The following RPL22L1 variants were observed in gnomAD, a reference collection of about 807,000 sequenced individuals.
The protein encoded by RPL22L1 is ribosomal protein L22 like 1.
Under a neutral mutation model 17.3 loss-of-function variants are expected in RPL22L1, and 19 were observed. That is an observed-to-expected ratio of 1.10 (90% CI 0.77 to 1.61). RPL22L1 has a LOEUF of 1.61. RPL22L1 is among the 40% of genes most tolerant of loss of function. The pLI is 0.00. For synonymous variants in RPL22L1, 48 were observed against 48.5 expected (o/e 0.99, Z 0.05); for missense variants, 139 against 144.4 (o/e 0.96, Z 0.19).
At position 170,870,172 on chromosome 3, in the gene RPL22L1, C is replaced by G. The variant is rs768165142; in HGVS notation, c.-5G>C. ...TCGCTCACTCACCGGCGCCATCTTG[C>G]GAGTCGGCCGCGAGAGCAGAGAGGA... On this transcript the variant is annotated 5_prime_UTR_variant, in exon 1 of 4. Coordinates refer to ENST00000295830, the MANE Select transcript of RPL22L1 (RefSeq NM_001099645.2). The G allele has an allele frequency of 1.2e-6, 2 of 1,613,874 alleles. No homozygotes were observed. Among genetic ancestry groups the G allele is most frequent in the South Asian group, 1.1e-5 (1 of 91,064 alleles).
intron 1 of RPL22L1, among the ~76,000 whole-genome samples, chr3:170,869,445 T>C (rs1711902163): frequency 6.6e-6 from 1 of 152,336 alleles, no homozygotes; most frequent in South Asian, 2.1e-4. Context: ...GATAACCCTA[T>C]AGGGTTTATG....
At chr3:170,869,734 G>T (rs1711916662) in intron 1 of RPL22L1, among the ~76,000 whole-genome samples, 1 of 151,862 alleles carries the variant, frequency 6.6e-6, no homozygotes, top group African/African-American at 2.4e-5. Context: ...CGCGGGAGCT[G>T]AGCGCCTAGG....
chr3:170,866,296 A>G lies in RPL22L1; in HGVS notation c.*84T>C. 8.2e-7 allele frequency: 1 copy of G among 1,219,350 alleles called. No individual in the cohort carries two copies. The highest frequency in any genetic ancestry group is 1.1e-6 in the Non-Finnish European group (1 of 893,764). 75.5% of individuals were successfully genotyped at this position (1,219,350 alleles called of 1,614,324 possible). On this transcript the variant is annotated 3_prime_UTR_variant, in exon 4 of 4. Coordinates refer to ENST00000295830, the MANE Select transcript of RPL22L1 (RefSeq NM_001099645.2). ...GTATAATATTTTTTATTCACTGATA[A>G]ACTAAAAGCCAATTTCTTGGTATTT...
At position 170,865,800 on chromosome 3, in the gene RPL22L1, G is replaced by C. The variant is rs1711734219; in HGVS notation, c.*580C>G. ...TTACATTTACAAGCTATTAAAAACA[G>C]TATTTGAGACTGTCAAGACAATCAT... is the stretch of plus-strand genomic sequence containing the variant. On this transcript the variant is annotated 3_prime_UTR_variant, in exon 4 of 4. Transcript: ENST00000295830. The C allele has an allele frequency of 6.6e-6, 1 of 152,242 alleles. No individual in the cohort carries two copies. The highest frequency in any genetic ancestry group is 6.5e-5 in the Admixed American group (1 of 15,282). 9.4% of individuals were successfully genotyped at this position (152,242 alleles called of 1,614,324 possible).
intron 3 of RPL22L1, among the ~76,000 whole-genome samples, chr3:170,867,072 G>C (rs1286593150): frequency 6.6e-6 from 1 of 151,954 alleles, no homozygotes; most frequent in East Asian, 1.9e-4. Context: ...TTTTATCTCT[G>C]AATCCTTAGT....
At position 170,866,243 on chromosome 3, in the gene RPL22L1, C is replaced by G. The variant is rs775499645; in HGVS notation, c.*137G>C. 4.4e-4 allele frequency: 284 copies of G among 652,842 alleles called. No homozygotes were observed. Among genetic ancestry groups the G allele is most frequent in the Non-Finnish European group, 6.4e-4 (256 of 402,850 alleles). The allele number at this position is 652,842 out of a possible 1,614,324, so 40.4% of individuals were successfully genotyped here. A position where few individuals can be genotyped will look rare whatever the true frequency, so the allele number is the denominator to read the frequency against. Reference sequence around the variant, plus strand: ...AAATCAAAATCATATAAACAGCATACTCAAAAAAATGAGACAAAAGTTCAA... The same window carrying G: ...AAATCAAAATCATATAAACAGCATAGTCAAAAAAATGAGACAAAAGTTCAA... On this transcript the variant is annotated 3_prime_UTR_variant, in exon 4 of 4. Coordinates refer to ENST00000295830, the MANE Select transcript of RPL22L1 (RefSeq NM_001099645.2).
intron 2 of RPL22L1, 22 bp from the exon 3 acceptor site, chr3:170,868,156 G>C: frequency 6.2e-7 from 1 of 1,600,698 alleles, no homozygotes; most frequent in Non-Finnish European, 8.5e-7. Context: ...CAGAAAAAAT[G>C]CAAAACTAGG....
chr3:170,867,973 A>C (rs1410567990), intron 3 of RPL22L1, 40 bp downstream of exon 3: 2 of 1,467,440 alleles, frequency 1.4e-6, no homozygotes, highest in Middle Eastern at 2.4e-4. Context: ...AAATATTCCA[A>C]AACTACTATA....
At chr3:170,866,725 G>A (rs974401870) in intron 3 of RPL22L1, among the ~76,000 whole-genome samples, 4 of 152,008 alleles carry the variant, frequency 2.6e-5, no homozygotes, top group Non-Finnish European at 4.4e-5. Flanking sequence ...ACTATATATT[G>A]TTCAAGATTG....
rs1178273180 is a variant in RPL22L1, at chr3:170,866,032, G to A, written c.*348C>T. The A allele has an allele frequency of 6.3e-6, 1 of 159,896 alleles. No individual in the cohort carries two copies. The highest frequency in any genetic ancestry group is 1.4e-5 in the Non-Finnish European group (1 of 73,092). The allele number at this position is 159,896 out of a possible 1,614,324, so 9.9% of individuals were successfully genotyped here. The stretch of plus-strand genomic sequence containing the variant: ...TAGCCGGGCATGGTGGCTCACACCT[G>A]TAATTCCAGCTATTTAGGAAGCTGA... On this transcript the variant is annotated 3_prime_UTR_variant, in exon 4 of 4. Transcript: ENST00000295830.
In RPL22L1 at chr3:170,865,563, CT is replaced by C; in HGVS notation, c.*816del. 6.6e-6 allele frequency: 1 copy of C among 152,258 alleles called. No individual in the cohort carries two copies. The highest frequency in any genetic ancestry group is 3.4e-3 in the Middle Eastern group (1 of 294). The allele number at this position is 152,258 out of a possible 1,614,324, so 9.4% of individuals were successfully genotyped here. A position where few individuals can be genotyped will look rare whatever the true frequency, so the allele number is the denominator to read the frequency against. ...TGAGACAAGATTCCAACCGAGTGAACTAATTTTTTCAGACAAGGACCACAGT... is the reference window on the plus strand; with the variant it reads ...TGAGACAAGATTCCAACCGAGTGAACAATTTTTTCAGACAAGGACCACAGT... On this transcript the variant is annotated 3_prime_UTR_variant, in exon 4 of 4. Transcript: ENST00000295830.
At position 170,866,368 on chromosome 3, in the gene RPL22L1, G is replaced by A. The variant is rs1290064822; in HGVS notation, c.*12C>T. On this transcript the variant is annotated 3_prime_UTR_variant, in exon 4 of 4. Transcript: ENST00000295830. Reference sequence around the variant, plus strand: ...TTATTAATAAGCAAAGCCCTGTAAGGGGAGCCTTTGCCTAGTCCTCCGACT... The same window carrying A: ...TTATTAATAAGCAAAGCCCTGTAAGAGGAGCCTTTGCCTAGTCCTCCGACT... The A allele has an allele frequency of 2.5e-6, 4 of 1,591,718 alleles. No homozygotes were observed. The highest frequency in any genetic ancestry group is 2.6e-6 in the Non-Finnish European group (3 of 1,167,698).
rs1711750675 is a variant in RPL22L1, at chr3:170,866,118, A to G, written c.*262T>C. The G allele has an allele frequency of 3.9e-6, 1 of 257,922 alleles. No homozygotes were observed. 16.0% of individuals were successfully genotyped at this position (257,922 alleles called of 1,614,324 possible). A position where few individuals can be genotyped will look rare whatever the true frequency, so the allele number is the denominator to read the frequency against. Reference sequence around the variant, plus strand: ...TGTCTAAAAAAAAGATTTCCTATATAACGCTACTTTTACCTGAGTACATAA... The same window carrying G: ...TGTCTAAAAAAAAGATTTCCTATATGACGCTACTTTTACCTGAGTACATAA... On this transcript the variant is annotated 3_prime_UTR_variant, in exon 4 of 4. Coordinates refer to ENST00000295830, the MANE Select transcript of RPL22L1 (RefSeq NM_001099645.2).
intron 3 of RPL22L1, 26 bp from the exon 4 acceptor site, chr3:170,866,550 A>C: frequency 1.3e-6 from 2 of 1,484,422 alleles, no homozygotes; most frequent in Non-Finnish European, 1.8e-6. Context: ...CATAAATTTC[A>C]TTAAGAAATA....
At position 170,865,347 on chromosome 3, in the gene RPL22L1, G is replaced by C. The variant is rs944535695; in HGVS notation, c.*1033C>G. The C allele has an allele frequency of 6.6e-6, 1 of 152,168 alleles. No individual in the cohort carries two copies. Among genetic ancestry groups the C allele is most frequent in the Non-Finnish European group, 1.5e-5 (1 of 68,022 alleles). 9.4% of individuals were successfully genotyped at this position (152,168 alleles called of 1,614,324 possible). On this transcript the variant is annotated 3_prime_UTR_variant, in exon 4 of 4. Transcript: ENST00000295830. Reference sequence around the variant, plus strand: ...AGTAGTGGCACCACCATCAGGCTCAGCAGTACAAAAAGGCACATCATTCTT... The same window carrying C: ...AGTAGTGGCACCACCATCAGGCTCACCAGTACAAAAAGGCACATCATTCTT...
At chr3:170,869,056 G>A (rs1018019063) in intron 1 of RPL22L1, among the ~76,000 whole-genome samples, 2 of 150,838 alleles carry the variant, frequency 1.3e-5, no homozygotes, top group Non-Finnish European at 2.9e-5. Flanking sequence ...GGGAGGCGGA[G>A]GTTGTAGTGA....
rs1185319138 is a variant in RPL22L1, at chr3:170,866,440, G to A, written c.309C>T (p.Thr103=). ...WLRVVASDKE[T]YELRYFQISQ... is the part of the protein sequence containing the mutation. Reference sequence around the variant, plus strand: ...TAATCTGGAAGTAACGAAGTTCGTAGGTCTCCTTGTCAGATGCAACCACTC... The same window carrying A: ...TAATCTGGAAGTAACGAAGTTCGTAAGTCTCCTTGTCAGATGCAACCACTC... Residue 103 remains threonine (T), a synonymous_variant, in exon 4 of 4, where the codon ACC becomes ACT. Transcript: ENST00000295830. 1.3e-6 allele frequency: 2 copies of A among 1,599,992 alleles called. No homozygotes were observed. Among genetic ancestry groups the A allele is most frequent in the Non-Finnish European group, 1.7e-6 (2 of 1,172,690 alleles).
At chr3:170,869,638 T>C (rs1250412695) in intron 1 of RPL22L1, among the ~76,000 whole-genome samples, 1 of 152,196 alleles carries the variant, frequency 6.6e-6, no homozygotes, top group East Asian at 1.9e-4. Flanking sequence ...ATTGCTGGAA[T>C]CTAGACTTAT....
Position 170,864,972 on chromosome 3 carries a change from C to T in RPL22L1, c.*1408G>A, listed in dbSNP as rs1324599565. 1 of 152,236 alleles carries T rather than the reference C, an allele frequency of 6.6e-6. No individual in the cohort carries two copies. Among genetic ancestry groups the T allele is most frequent in the African/African-American group, 2.4e-5 (1 of 41,464 alleles). The allele number at this position is 152,236 out of a possible 1,614,324, so 9.4% of individuals were successfully genotyped here. Reference sequence around the variant, plus strand: ...TGATCAGTTTCCGTCATAATACTAACACAGCAGAGCAGGCTGGGTGTTTTT... The same window carrying T: ...TGATCAGTTTCCGTCATAATACTAATACAGCAGAGCAGGCTGGGTGTTTTT... On this transcript the variant is annotated 3_prime_UTR_variant, in exon 4 of 4. Coordinates refer to ENST00000295830, the MANE Select transcript of RPL22L1 (RefSeq NM_001099645.2).
Sources: gnomAD v4.1 joint callset for allele counts (sites outside exome capture counted in the v4.1 genomes callset) on GRCh38, gnomAD v4.1.1 for gene constraint, MANE v1.5 for transcripts, NCBI Gene and HGNC (gene_info 2026-07-23, HGNC 2026-07-21) for gene names.